MAP1B: variants seen among roughly 807,000 people sequenced by gnomAD.
MAP1B encodes microtubule-associated protein 1B.
MAP1B carries 12 observed loss-of-function variants against 176.1 expected under a neutral mutation model. The ratio of observed to expected loss-of-function variants is 0.07; its 90% CI spans 0.04 to 0.11. MAP1B has a LOEUF of 0.11. Ranked by LOEUF, MAP1B falls within the 10% of genes least tolerant of loss-of-function variation. MAP1B has a pLI of 1.00. For missense variants in MAP1B, 2,523 were observed against 2,990.5 expected, an observed-to-expected ratio of 0.84 and a Z score of 3.65; for synonymous variants, 1,044 against 1,135.0, an observed-to-expected ratio of 0.92 and a Z score of 1.61.
In MAP1B at chr5:72,195,239, C is replaced by G. The variant is rs1430776358; in HGVS notation, c.1884C>G (p.Val628=). The change falls in exon 5 of 7, where the codon GTC becomes GTG. Residue 628 remains valine (V), a synonymous_variant. Transcript: ENST00000296755. ...TGGCTGAGAAGCAAGCCACAGATGTCAAACCCAAAGCTGCCAAGGAGAAGA... is the reference window on the plus strand; with the variant it reads ...TGGCTGAGAAGCAAGCCACAGATGTGAAACCCAAAGCTGCCAAGGAGAAGA... The part of the protein sequence containing the change: ...AEVAEKQATD[V]KPKAAKEKTV... 1 of 1,613,564 alleles carries G rather than the reference C, an allele frequency of 6.2e-7. No individual in the cohort carries two copies. Among genetic ancestry groups the G allele is most frequent in the Admixed American group, 1.7e-5 (1 of 59,966 alleles).
In MAP1B at chr5:72,198,373, G is replaced by A. The variant is rs1190289183; in HGVS notation, c.5018G>A (p.Gly1673Asp). ...CAGTCTCCAGATCACCCTACAGTGG[G>A]TGCAGGCGTGCTTCACATCACTGAA... Reference protein sequence around the residue: ...SRQSPDHPTVGAGVLHITENG... With the variant: ...SRQSPDHPTVDAGVLHITENG... Residue 1673 changes from glycine to aspartate, a missense_variant, in exon 5 of 7, where the codon GGT becomes GAT. Around this residue, in one of 4 missense-constraint regions of MAP1B, gnomAD observed 1,925 missense variants for 2,126.0 expected, o/e 0.91. Transcript: ENST00000296755. The A allele has an allele frequency of 6.2e-7, 1 of 1,614,128 alleles. No homozygotes were observed. Among genetic ancestry groups the A allele is most frequent in the Non-Finnish European group, 8.5e-7 (1 of 1,180,014 alleles).
chr5:72,194,433 A>G lies in MAP1B; in HGVS notation c.1078A>G (p.Asn360Asp). 1 of 1,614,012 alleles carries G rather than the reference A, an allele frequency of 6.2e-7. No individual in the cohort carries two copies. The highest frequency in any genetic ancestry group is 8.5e-7 in the Non-Finnish European group (1 of 1,179,974). Reference protein sequence around the residue: ...ISPDLGVVFLNVPENLKNPEP... With the variant: ...ISPDLGVVFLDVPENLKNPEP... ...CCCTGACTTAGGAGTTGTATTTCTC[A>G]ATGTACCTGAAAATCTCAAAAATCC... is the stretch of plus-strand genomic sequence containing the variant. The change falls in exon 5 of 7, where the codon AAT becomes GAT. Residue 360 changes from asparagine to aspartate, a missense_variant. By Grantham distance (23) the Asn-to-Asp change is conservative. This residue lies in a region of MAP1B where 1,925 missense variants were observed against 2,126.0 expected (regional missense o/e 0.91). Coordinates refer to ENST00000296755, the MANE Select transcript of MAP1B (RefSeq NM_005909.5). This position sits in a 1 kb window ranked among gnomAD's most constrained non-coding sequence, Gnocchi z 7.2.
At position 72,196,306 on chromosome 5, in the gene MAP1B, C is replaced by T; in HGVS notation, c.2951C>T (p.Ala984Val). ...DEESAKAEADAYIREKRESVA... is the reference protein window; with the variant it reads ...DEESAKAEADVYIREKRESVA... ...GAAAGTGCCAAGGCGGAGGCTGATG[C>T]ATACATCAGGGAGAAGAGGGAGTCT... The change falls in exon 5 of 7, where the codon GCA (alanine) becomes GTA (valine). Residue 984 changes from alanine (A) to valine (V), a missense_variant. By Grantham distance (64) the Ala-to-Val change is moderately conservative (BLOSUM62 0). Transcript: ENST00000296755. The surrounding 1 kb of genome is among the most constrained non-coding windows in gnomAD (Gnocchi z 5.3). 1 of 1,614,024 alleles carries T rather than the reference C, an allele frequency of 6.2e-7. No individual in the cohort carries two copies. Among genetic ancestry groups the T allele is most frequent in the Non-Finnish European group, 8.5e-7 (1 of 1,180,012 alleles).
At chr5:72,147,210 C>G (rs994452231) in intron 2 of MAP1B, among the ~76,000 whole-genome samples, 1 of 152,066 alleles carries the variant, frequency 6.6e-6, no homozygotes, top group Non-Finnish European at 1.5e-5. Context: ...CTCAAGTGAT[C>G]CACTCACCTC....
intron 2 of MAP1B, among the ~76,000 whole-genome samples, chr5:72,177,409 G>A (rs1481856045): frequency 1.3e-5 from 2 of 149,536 alleles, no homozygotes; most frequent in Admixed American, 6.6e-5. Flanking sequence ...CCTGGGGGCT[G>A]CTTGTGAGGC....
intron 2 of MAP1B, chr5:72,179,978 G>A (rs1746732027): frequency 7.2e-6 from 7 of 971,576 alleles, no homozygotes; most frequent in Non-Finnish European, 6.1e-6. Flanking sequence ...AGGAACTGCC[G>A]GTGGATGGTA....
At chr5:72,147,572 T>G (rs1248320642) in intron 2 of MAP1B, among the ~76,000 whole-genome samples, 1 of 152,040 alleles carries the variant, frequency 6.6e-6, no homozygotes, top group Non-Finnish European at 1.5e-5. Context: ...AGATGCTTGG[T>G]CCCTGGAAGC....
At position 72,186,246 on chromosome 5, in the gene MAP1B, C is replaced by T. The variant is rs1170891873; in HGVS notation, c.370-368C>T. The stretch of plus-strand genomic sequence containing the variant: ...CTTCCCTGGTTTCGCAGACCACGTG[C>T]TGCTAGCAGACATTTCTAACAGCTG... On this transcript the variant is annotated intron_variant, in intron 3 of 6. Transcript: ENST00000296755. This position sits in a 1 kb window ranked among gnomAD's most constrained non-coding sequence, Gnocchi z 4.3. 6.6e-6 allele frequency among the ~76,000 whole-genome samples: 1 copy of T among 152,174 alleles called. No individual in the cohort carries two copies. Among genetic ancestry groups the T allele is most frequent in the Non-Finnish European group, 1.5e-5 (1 of 68,032 alleles).
intron 2 of MAP1B, among the ~76,000 whole-genome samples, chr5:72,167,267 T>A (rs1422531227): frequency 6.6e-6 from 1 of 152,224 alleles, no homozygotes; most frequent in African/African-American, 2.4e-5. Flanking sequence ...ATCTCATAGG[T>A]TGCAATTTGT....
In MAP1B at chr5:72,119,484, A is replaced by C. The variant is rs1455295968; in HGVS notation, c.286+3685A>C. On this transcript the variant is annotated intron_variant, in intron 2 of 6. Transcript: ENST00000296755. ...AAAGTTCAGTAGTTGAGTCTTTTCA[A>C]AATAGAGCAACAGTCTTTTGTTGTT... Among the ~76,000 whole-genome samples the C allele has an allele frequency of 2.0e-5, 3 of 152,212 alleles. No individual in the cohort carries two copies. The East Asian group carries it at 5.8e-4, about 29-fold the overall frequency.
At position 72,193,007 on chromosome 5, in the gene MAP1B, A is replaced by T. The variant is rs553005730; in HGVS notation, c.511-859A>T. ...AGCTGCTCACACCCAACTTGCCCTG[A>T]AAAGAATGGGAGCAGTAAGAGAACA... On this transcript the variant is annotated intron_variant, in intron 4 of 6. Transcript: ENST00000296755. Among the ~76,000 whole-genome samples, 3 of 152,354 alleles carry T rather than the reference A, an allele frequency of 2.0e-5. No individual in the cohort carries two copies. In the South Asian group the frequency reaches 6.2e-4, roughly 32 times the overall value.
At chr5:72,183,644 G>A (rs562151490) in intron 2 of MAP1B, 99 bp from the exon 3 acceptor site, 347 of 799,490 alleles carry the variant, frequency 4.3e-4, no homozygotes, top group Non-Finnish European at 6.3e-4. Flanking sequence ...GTACCACGTC[G>A]GAGGCAGAAA....
At chr5:72,153,037 T>C (rs1454049491) in intron 2 of MAP1B, among the ~76,000 whole-genome samples, 3 of 152,066 alleles carry the variant, frequency 2.0e-5, no homozygotes, top group African/African-American at 7.2e-5. Context: ...AAAACAAAAT[T>C]TAGTCAGGAA....
chr5:72,194,144 T>C lies in MAP1B; in HGVS notation c.789T>C (p.Tyr263=), dbSNP rs754204741. The stretch of plus-strand genomic sequence containing the variant: ...TGAAGCTCTCCAAGCCCTGCTGTTA[T>C]ATTTTTCCAGGAGGGAGGGGCGATT... ...GFLKLSKPCC[Y]IFPGGRGDSA... Residue 263 remains tyrosine, a synonymous_variant, in exon 5 of 7, where the codon TAT becomes TAC. Coordinates refer to ENST00000296755, the MANE Select transcript of MAP1B (RefSeq NM_005909.5). The surrounding 1 kb of genome is among the most constrained non-coding windows in gnomAD (Gnocchi z 7.2). The C allele has an allele frequency of 1.2e-5, 19 of 1,614,220 alleles. No homozygotes were observed. The South Asian group carries it at 1.6e-4, about 14-fold the overall frequency.
At chr5:72,140,715 A>C (rs1232222039) in intron 2 of MAP1B, among the ~76,000 whole-genome samples, 3 of 152,256 alleles carry the variant, frequency 2.0e-5, no homozygotes, top group Admixed American at 2.0e-4. Flanking sequence ...AATGCATCTG[A>C]AAGAGGTAAA....
rs570736240 is a variant in MAP1B at position 72,120,208 on chromosome 5, T to G, written c.286+4409T>G. ...TATTTTTTCCCTTAATTTTGCCACT[T>G]TTATCTGCCTATTAAAATAATTTAA... On this transcript the variant is annotated intron_variant, in intron 2 of 6. Coordinates refer to ENST00000296755, the MANE Select transcript of MAP1B (RefSeq NM_005909.5). Among the ~76,000 whole-genome samples, 7 of 152,318 alleles carry G rather than the reference T, an allele frequency of 4.6e-5. 1 individual carries two copies. Among genetic ancestry groups the G allele is most frequent in the African/African-American group, 1.7e-4 (7 of 41,572 alleles).
intron 2 of MAP1B, among the ~76,000 whole-genome samples, chr5:72,130,981 A>C (rs1745721993): frequency 6.6e-6 from 1 of 152,232 alleles, no homozygotes; most frequent in Non-Finnish European, 1.5e-5. Context: ...TGCTTGGCTG[A>C]ATATACTCAT....
At chr5:72,162,999 G>A (rs899521098) in intron 2 of MAP1B, among the ~76,000 whole-genome samples, 22 of 152,268 alleles carry the variant, frequency 1.4e-4, no homozygotes, top group African/African-American at 5.3e-4. Context: ...GGAGGCTGAG[G>A]TGGGCAGATC....
In MAP1B at chr5:72,183,807, T is replaced by C; in HGVS notation, c.351T>C (p.Asp117=). The C allele has an allele frequency of 1.2e-6, 2 of 1,614,124 alleles. No homozygotes were observed. Among genetic ancestry groups the C allele is most frequent in the Non-Finnish European group, 1.7e-6 (2 of 1,179,982 alleles). ...LETVVLINPS[D]EAVSTEVRLM... is the part of the protein sequence containing the mutation. Reference sequence around the variant, plus strand: ...CAGTGGTCCTGATCAACCCTTCTGATGAAGCAGTCAGCACCGAGGTAAGCA... The same window carrying C: ...CAGTGGTCCTGATCAACCCTTCTGACGAAGCAGTCAGCACCGAGGTAAGCA... The change falls in exon 3 of 7, where the codon GAT becomes GAC. Residue 117 remains aspartate, a synonymous_variant. Coordinates refer to ENST00000296755, the MANE Select transcript of MAP1B (RefSeq NM_005909.5).
Sources: allele counts gnomAD v4.1 joint callset (sites outside exome capture counted in the v4.1 genomes callset), GRCh38; gene constraint gnomAD v4.1.1; regional missense constraint gnomAD v4.1.1; non-coding constraint Gnocchi (gnomAD v3.1); transcripts MANE v1.5; gene names NCBI Gene and HGNC (gene_info 2026-07-23, HGNC 2026-07-21).